The following BARD1 variants were observed in gnomAD, a reference collection of about 807,000 sequenced individuals.
BARD1 encodes the protein BRCA1-associated RING domain protein 1.
A neutral mutation model predicts 77.0 loss-of-function variants in BARD1; 73 were observed. The ratio of observed to expected loss-of-function variants is 0.95; its 90% CI spans 0.79 to 1.15. The LOEUF (loss-of-function observed/expected upper bound fraction) is 1.15, where lower values mean the gene tolerates loss of function less well. Ranked by LOEUF, BARD1 falls within the 50% of genes most tolerant of loss-of-function variation. The pLI is 0.00. For synonymous variants in BARD1, 384 were observed against 338.0 expected (o/e 1.14, Z -1.49); for missense variants, 993 against 938.8 (o/e 1.06, Z -0.75).
chr2:214,755,977 C>G (rs1005367512), intron 6 of BARD1, among the ~76,000 whole-genome samples: 1 of 152,136 alleles, frequency 6.6e-6, no homozygotes, highest in Non-Finnish European at 1.5e-5. Flanking sequence ...GTACCACTTT[C>G]GACAGTCAGT....
intron 6 of BARD1, among the ~76,000 whole-genome samples, chr2:214,761,277 GAAAGGT>G (rs1693951537): frequency 7.7e-6 from 1 of 129,138 alleles, no homozygotes; most frequent in South Asian, 2.7e-4. Context: ...CAGAGAAGAG[GAAAGGT>G]AAAAAGAAAA....
In BARD1 at chr2:214,726,383, A is replaced by G. The variant is rs1028374540; in HGVS notation, c.*2293T>C. 4.8e-6 allele frequency: 1 copy of G among 206,844 alleles called. No individual in the cohort carries two copies. Among genetic ancestry groups the G allele is most frequent in the African/African-American group, 2.3e-5 (1 of 44,034 alleles). The allele number at this position is 206,844 out of a possible 1,614,324, so 12.8% of individuals were successfully genotyped here. A position where few individuals can be genotyped will look rare whatever the true frequency, so the allele number is the denominator to read the frequency against. On this transcript the variant is annotated 3_prime_UTR_variant, in exon 11 of 11. Transcript: ENST00000260947. ...AGCTACCAGCCTCTCACTTTTAGAG[A>G]CACAAAGCAATCAGTGTGTAATTGT... is the stretch of plus-strand genomic sequence containing the variant.
chr2:214,739,282 T>C (rs553657722), intron 9 of BARD1, among the ~76,000 whole-genome samples: 40 of 152,230 alleles, frequency 2.6e-4, no homozygotes, highest in African/African-American at 9.6e-4. Context: ...AACATCACTA[T>C]TCTATATGAA....
chr2:214,741,665 T>TC (rs1359552813), intron 9 of BARD1, among the ~76,000 whole-genome samples: 2 of 152,160 alleles, frequency 1.3e-5, no homozygotes, highest in African/African-American at 4.8e-5. Context: ...ACTTTTCTTA[T>TC]CTATAGCTCC....
chr2:214,741,328 A>C (rs1345400184), intron 9 of BARD1, among the ~76,000 whole-genome samples: 1 of 152,178 alleles, frequency 6.6e-6, no homozygotes, highest in Non-Finnish European at 1.5e-5. Flanking sequence ...TAATGAGATA[A>C]GAAAAGAAGA....
In BARD1 at chr2:214,745,839, G is replaced by A. The variant is rs587782279; in HGVS notation, c.1693C>T (p.Arg565Cys). The A allele has an allele frequency of 2.3e-5, 37 of 1,613,798 alleles. No homozygotes were observed. The highest frequency in any genetic ancestry group is 1.6e-4 in the Middle Eastern group (1 of 6,082). Residue 565 changes from arginine (R) to cysteine (C), a missense_variant, in exon 8 of 11, where the codon CGT becomes TGT. Physicochemically the swap from Arg to Cys is radical, Grantham distance 180. Transcript: ENST00000260947. ...ATAAGTACAAGAGGTCCATCCCTAC[G>A]CTGCCCAGTGTTCATCTGTTAATAT... ...SHCSVMNTGQ[R>C]RDGPLVLIGS... is the part of the protein sequence containing the mutation.
At chr2:214,736,360 G>A (rs1348374620) in intron 9 of BARD1, among the ~76,000 whole-genome samples, 3 of 152,000 alleles carry the variant, frequency 2.0e-5, no homozygotes, top group Non-Finnish European at 2.9e-5. Context: ...TTTTATATGT[G>A]ATTTTTTTAT....
At position 214,728,803 on chromosome 2, in the gene BARD1, T is replaced by C. The variant is rs587780028; in HGVS notation, c.2207A>G (p.Tyr736Cys). Residue 736 changes from tyrosine to cysteine, a missense_variant, in exon 11 of 11, where the codon TAT becomes TGT. By Grantham distance (194) the Tyr-to-Cys change is radical (BLOSUM62 -2). Coordinates refer to ENST00000260947, the MANE Select transcript of BARD1 (RefSeq NM_000465.4). Reference protein sequence around the residue: ...PDSDQRFCTQYIIYEDLCNYH... With the variant: ...PDSDQRFCTQCIIYEDLCNYH... ...ATTACACAAATCTTCATAGATGATA[T>C]ACTGTGTGCAGAAGCGCTGATCAGA... 1.2e-6 allele frequency: 2 copies of C among 1,614,216 alleles called. No individual in the cohort carries two copies. The highest frequency in any genetic ancestry group is 1.7e-6 in the Non-Finnish European group (2 of 1,180,036).
At chr2:214,749,128 T>C (rs144898847) in intron 7 of BARD1, among the ~76,000 whole-genome samples, 1 of 151,540 alleles carries the variant, frequency 6.6e-6, no homozygotes, top group African/African-American at 2.4e-5. Flanking sequence ...AAGACGATGC[T>C]AGAGCTGGGT....
chr2:214,799,781 A>G (rs1262527278), intron 1 of BARD1, among the ~76,000 whole-genome samples: 3 of 152,108 alleles, frequency 2.0e-5, no homozygotes, highest in Non-Finnish European at 4.4e-5. Flanking sequence ...TGAACAGATA[A>G]AAGTTCTTAA....
intron 4 of BARD1, among the ~76,000 whole-genome samples, chr2:214,779,188 T>TA (rs1211355387): frequency 6.6e-6 from 1 of 152,072 alleles, no homozygotes; most frequent in Non-Finnish European, 1.5e-5. Flanking sequence ...GTATCAGAAA[T>TA]AGAGTACAGT....
At chr2:214,779,166 C>T (rs1186326864) in intron 4 of BARD1, among the ~76,000 whole-genome samples, 2 of 152,012 alleles carry the variant, frequency 1.3e-5, no homozygotes, top group Non-Finnish European at 2.9e-5. Context: ...TTGTAAGGTC[C>T]CTGCCTCACT....
chr2:214,758,909 A>T lies in BARD1; in HGVS notation c.1569-6354T>A, dbSNP rs541041327. ...AAACTTGTACTTGCATGTACAGACCATCCAAACTGCAAAAACATATGCAAA... is the reference window on the plus strand; with the variant it reads ...AAACTTGTACTTGCATGTACAGACCTTCCAAACTGCAAAAACATATGCAAA... On this transcript the variant is annotated intron_variant, in intron 6 of 10. Transcript: ENST00000260947. 8.5e-5 allele frequency among the ~76,000 whole-genome samples: 13 copies of T among 152,352 alleles called. No homozygotes were observed. In the South Asian group the frequency reaches 2.7e-3, roughly 32 times the overall value.
chr2:214,779,394 T>G (rs1457869126), intron 4 of BARD1, among the ~76,000 whole-genome samples: 2 of 151,548 alleles, frequency 1.3e-5, no homozygotes, highest in African/African-American at 2.5e-5. Flanking sequence ...ATTTTTTAAT[T>G]TGCATTTTTT....
At chr2:214,759,109 T>G (rs980807052) in intron 6 of BARD1, among the ~76,000 whole-genome samples, 1 of 152,050 alleles carries the variant, frequency 6.6e-6, no homozygotes, top group African/African-American at 2.4e-5. Flanking sequence ...GCAACATGGG[T>G]TTTTAAAGCT....
rs1026273723 is a variant in BARD1 at position 214,747,292 on chromosome 2, G to A, written c.1678-1438C>T. ...ACTAGTTCAACCTTTGTGGAAGTCA[G>A]TGTGGCGATTCCTCAGGGATCTAGA... On this transcript the variant is annotated intron_variant, in intron 7 of 10. Transcript: ENST00000260947. 3.2e-4 allele frequency among the ~76,000 whole-genome samples: 49 copies of A among 151,262 alleles called. 1 individual carries two copies. The highest frequency in any genetic ancestry group is 2.1e-3 in the Admixed American group (32 of 15,200).
chr2:214,786,139 A>G (rs1253667178), intron 3 of BARD1, among the ~76,000 whole-genome samples: 1 of 151,970 alleles, frequency 6.6e-6, no homozygotes. Flanking sequence ...TAAGGGATAT[A>G]ACATCTACCA....
At chr2:214,745,244 T>C in intron 8 of BARD1, 85 bp from the exon 9 acceptor site, 1 of 1,203,456 alleles carries the variant, frequency 8.3e-7, no homozygotes, top group East Asian at 2.5e-5. Flanking sequence ...CATCTATATT[T>C]TGTAAGCTTA....
chr2:214,728,699 C>A lies in BARD1; in HGVS notation c.2311G>T (p.Glu771Ter). The A allele has an allele frequency of 6.2e-7, 1 of 1,614,194 alleles. No homozygotes were observed. Among genetic ancestry groups the A allele is most frequent in the South Asian group, 1.1e-5 (1 of 91,086 alleles). ...SWFIDCVMSF[E>*]LLPLDS Reference sequence around the variant, plus strand: ...ATTCAGCTGTCAAGAGGAAGCAACTCAAAGGACATCACACAGTCTATAAAC... The same window carrying A: ...ATTCAGCTGTCAAGAGGAAGCAACTAAAAGGACATCACACAGTCTATAAAC... Residue 771 changes from glutamate (E) to a stop codon, truncating the protein, a stop_gained, in exon 11 of 11, where the codon GAG (glutamate) becomes TAG (stop). Coordinates refer to ENST00000260947, the MANE Select transcript of BARD1 (RefSeq NM_000465.4). LOFTEE classifies it high-confidence loss of function.
Sources: gnomAD v4.1 joint callset for allele counts (sites outside exome capture counted in the v4.1 genomes callset) on GRCh38, gnomAD v4.1.1 for gene constraint, MANE v1.5 for transcripts, NCBI Gene and HGNC (gene_info 2026-07-23, HGNC 2026-07-21) for gene names.